DCAF6: variants seen among roughly 807,000 people sequenced by gnomAD.
DCAF6 encodes the protein DDB1- and CUL4-associated factor 6.
Under a neutral mutation model 125.1 loss-of-function variants are expected in DCAF6, and 54 were observed. That is an observed-to-expected ratio of 0.43 (90% CI 0.35 to 0.54). DCAF6 has a LOEUF of 0.54. Among genes scored for constraint, DCAF6 ranks in the 20% least tolerant of loss-of-function variants. The pLI is 0.01. For synonymous variants in DCAF6, 371 were observed against 390.4 expected, an observed-to-expected ratio of 0.95 and a Z score of 0.58; for missense variants, 934 against 1,161.7, an observed-to-expected ratio of 0.80 and a Z score of 2.85.
chr1:167,979,544 T>C (rs1245533563), intron 4 of DCAF6, among the ~76,000 whole-genome samples: 10 of 152,216 alleles, frequency 6.6e-5, no homozygotes, highest in Admixed American at 6.5e-4. Context: ...TTATTTCCTT[T>C]ATAAGGCAGG....
chr1:167,997,891 A>G (rs113553641), intron 7 of DCAF6, among the ~76,000 whole-genome samples: 10 of 152,292 alleles, frequency 6.6e-5, no homozygotes, highest in African/African-American at 2.2e-4. Context: ...CAATAAGTAC[A>G]TAAGGAGATA....
chr1:167,999,899 G>T (rs181022078), intron 7 of DCAF6, among the ~76,000 whole-genome samples: 44 of 152,188 alleles, frequency 2.9e-4, no homozygotes, highest in African/African-American at 1.0e-3. Flanking sequence ...GTTCCTTCCA[G>T]AACTTTTCCT....
the DCAF6 span, among the ~76,000 whole-genome samples, chr1:167,869,493 C>T: frequency 1.3e-5 from 2 of 152,140 alleles, no homozygotes; most frequent in African/African-American, 4.8e-5. Context: ...GACAGAGAAG[C>T]GAAACTAAAG....
chr1:167,901,811 G>A, the DCAF6 span: 2 of 1,614,176 alleles, frequency 1.2e-6, no homozygotes, highest in Non-Finnish European at 1.7e-6. Flanking sequence ...ATCACCTTCA[G>A]AGAGAGACAT....
chr1:167,898,137 T>C, the DCAF6 span, among the ~76,000 whole-genome samples: 2 of 151,530 alleles, frequency 1.3e-5, no homozygotes, highest in Non-Finnish European at 2.9e-5. Context: ...GTGCATAGTA[T>C]TGTACCAATG....
chr1:168,057,810 G>C (rs886683444), intron 17 of DCAF6, among the ~76,000 whole-genome samples: 5 of 152,084 alleles, frequency 3.3e-5, no homozygotes, highest in African/African-American at 1.2e-4. Context: ...TTCTTGGTTT[G>C]TGACACATTA....
intron 12 of DCAF6, among the ~76,000 whole-genome samples, chr1:168,033,364 G>A (rs1005270779): frequency 5.5e-5 from 8 of 146,530 alleles, no homozygotes; most frequent in Non-Finnish European, 8.9e-5. Context: ...GCCGGACTGC[G>A]GACTGCAGTG....
upstream of DCAF6, among the ~76,000 whole-genome samples, chr1:167,934,788 T>G (rs1446597658): frequency 6.6e-5 from 10 of 152,214 alleles, no homozygotes; most frequent in Non-Finnish European, 1.5e-4. Flanking sequence ...TTTTCTAGTT[T>G]GCCAAGTCTT....
At chr1:168,036,137 A>G (rs988297487) in intron 12 of DCAF6, among the ~76,000 whole-genome samples, 11 of 152,176 alleles carry the variant, frequency 7.2e-5, no homozygotes, top group African/African-American at 2.4e-5. Flanking sequence ...ATTATCATTA[A>G]CCATCTTAGA....
At chr1:168,067,647 A>T (rs1692499440) in intron 20 of DCAF6, among the ~76,000 whole-genome samples, 1 of 152,186 alleles carries the variant, frequency 6.6e-6, no homozygotes, top group Non-Finnish European at 1.5e-5. Context: ...TGAGGGTAAG[A>T]TTGTGAAGGG....
intron 2 of DCAF6, among the ~76,000 whole-genome samples, chr1:167,962,448 AC>A (rs1373306800): frequency 2.6e-5 from 4 of 152,080 alleles, no homozygotes; most frequent in Non-Finnish European, 4.4e-5. Context: ...GTTATGAAAT[AC>A]CCTTCTTTTT....
intron 4 of DCAF6, among the ~76,000 whole-genome samples, chr1:167,985,202 TGTGTGTGTGGTGTGTGTGTGTGTG>T (rs1401076309): frequency 6.7e-6 from 1 of 148,184 alleles, no homozygotes; most frequent in Non-Finnish European, 1.5e-5. Flanking sequence ...TGTGTGTGTG[TGTGTGTGTGGTGTGTGTGTGTGTG>T]GTGTGTGTGT....
At chr1:167,878,507 C>T in the DCAF6 span, 1 of 1,614,198 alleles carries the variant, frequency 6.2e-7, no homozygotes. Context: ...CCTTTCATAA[C>T]TTTCTTTGGA....
intron 12 of DCAF6, chr1:168,023,788 T>C (rs145026376): frequency 1.4e-4 from 22 of 152,366 alleles, no homozygotes; most frequent in African/African-American, 5.3e-4. Flanking sequence ...GGCTATTTAG[T>C]GTTAGCGCAA....
the DCAF6 span, chr1:167,883,745 G>C: frequency 1.1e-6 from 1 of 914,806 alleles, no homozygotes; most frequent in Non-Finnish European, 1.8e-6. Context: ...AATGGGTGAG[G>C]TACAACATGA....
chr1:167,936,239 T>A (rs1370757293), upstream of DCAF6: 1 of 235,706 alleles, frequency 4.2e-6, no homozygotes, highest in Non-Finnish European at 8.5e-6. Flanking sequence ...AACCTCCTCC[T>A]TCTCCCCATG....
chr1:167,871,461 T>C, the DCAF6 span, among the ~76,000 whole-genome samples: 3 of 152,250 alleles, frequency 2.0e-5, no homozygotes, highest in Admixed American at 6.5e-5. Context: ...TTACAACCCT[T>C]ATTTTTCTTG....
At chr1:167,944,737 T>G (rs1011828185) in intron 1 of DCAF6, among the ~76,000 whole-genome samples, 2 of 152,254 alleles carry the variant, frequency 1.3e-5, no homozygotes, top group African/African-American at 4.8e-5. Flanking sequence ...GCAGATATTT[T>G]CTGTCATTCA....
At position 167,949,790 on chromosome 1, in the gene DCAF6, A is replaced by T. The variant is rs374991592; in HGVS notation, c.98-2010A>T. ...TAGCATTCAGATGTGAGTTTATTTT[A>T]ATTTTAATTTGAGGAGGCTCAGTTT... is the stretch of plus-strand genomic sequence containing the variant. On this transcript the variant is annotated intron_variant, in intron 1 of 21. Transcript: ENST00000367840. Among the ~76,000 whole-genome samples, 4 of 152,236 alleles carry T rather than the reference A, an allele frequency of 2.6e-5. No homozygotes were observed. In the South Asian group the frequency reaches 6.2e-4, roughly 24 times the overall value.
Sources: allele counts gnomAD v4.1 joint callset (sites outside exome capture counted in the v4.1 genomes callset), GRCh38; gene constraint gnomAD v4.1.1; transcripts MANE v1.5; gene names NCBI Gene and HGNC (gene_info 2026-07-23, HGNC 2026-07-21).